The following PREX2 variants were observed in gnomAD, a reference collection of about 807,000 sequenced individuals.
The protein encoded by PREX2 is phosphatidylinositol 3,4,5-trisphosphate-dependent Rac exchanger 2 protein.
Under a neutral mutation model 203.2 loss-of-function variants are expected in PREX2, and 107 were observed. That is an observed-to-expected ratio of 0.53 (90% confidence interval 0.45 to 0.62). PREX2 has a LOEUF of 0.62. Among genes scored for constraint, PREX2 ranks in the 20% least tolerant of loss-of-function variants. The probability of loss-of-function intolerance (pLI) is 0.00; values close to 1 mark genes in which losing one functional copy is unlikely to be tolerated. For missense variants in PREX2, 1,777 were observed against 1,955.9 expected (o/e 0.91, Z 1.72); for synonymous variants, 672 against 663.6 (o/e 1.01, Z -0.19).
chr8:68,194,043 A>T (rs2129614718), intron 37 of PREX2, among the ~76,000 whole-genome samples: 1 of 152,366 alleles, frequency 6.6e-6, no homozygotes, highest in East Asian at 1.9e-4. Flanking sequence ...TAAAAGCTTA[A>T]TTGAAAATAT....
chr8:67,990,724 G>A (rs1247670560), intron 1 of PREX2, among the ~76,000 whole-genome samples: 1 of 151,936 alleles, frequency 6.6e-6, no homozygotes, highest in African/African-American at 2.4e-5. Context: ...AATTAGCCAG[G>A]CTGGTCTCAA....
chr8:68,202,170 G>C (rs759341040), intron 37 of PREX2, among the ~76,000 whole-genome samples: 58 of 152,114 alleles, frequency 3.8e-4, no homozygotes, highest in Non-Finnish European at 7.6e-4. Flanking sequence ...AAAGTGCTGG[G>C]ATTACAGGGG....
At chr8:68,054,823 C>T (rs1297172254) in intron 9 of PREX2, among the ~76,000 whole-genome samples, 5 of 152,216 alleles carry the variant, frequency 3.3e-5, no homozygotes, top group Non-Finnish European at 4.4e-5. Flanking sequence ...TTGGTGCCCA[C>T]CGGACTCCTG....
intron 7 of PREX2, among the ~76,000 whole-genome samples, chr8:68,038,681 G>A (rs1377846866): frequency 6.6e-6 from 1 of 152,042 alleles, no homozygotes; most frequent in Non-Finnish European, 1.5e-5. Context: ...TGAAGTTCAT[G>A]CCATGAGTCT....
At chr8:67,977,412 CAT>C (rs1423906823) in intron 1 of PREX2, among the ~76,000 whole-genome samples, 81 of 152,308 alleles carry the variant, frequency 5.3e-4, no homozygotes, top group Non-Finnish European at 7.4e-5. Flanking sequence ...CATACAGGAA[CAT>C]GTGTAAATTA....
intron 8 of PREX2, among the ~76,000 whole-genome samples, chr8:68,047,472 TATA>T: frequency 1.4e-3 from 2 of 1,478 alleles, no homozygotes; most frequent in South Asian, 0.022. Context: ...GATGAATTTA[TATA>T]TATATATATA....
intron 9 of PREX2, among the ~76,000 whole-genome samples, chr8:68,055,237 G>A (rs1808639901): frequency 6.6e-6 from 1 of 152,152 alleles, no homozygotes; most frequent in African/African-American, 2.4e-5. Flanking sequence ...TGAAACTGCA[G>A]GTTGAGCAAG....
At chr8:68,126,220 G>C (rs1335401402) in intron 30 of PREX2, among the ~76,000 whole-genome samples, 1 of 152,028 alleles carries the variant, frequency 6.6e-6, no homozygotes, top group Non-Finnish European at 1.5e-5. Flanking sequence ...AAAGTTTTAT[G>C]AAATATTTTC....
chr8:68,044,415 TA>T, intron 7 of PREX2, 71 bp from the exon 8 acceptor site: 1 of 1,108,458 alleles, frequency 9.0e-7, no homozygotes, highest in Non-Finnish European at 1.4e-6. Flanking sequence ...AAGAATTGCC[TA>T]AAATATATTG....
At chr8:68,111,006 T>A (rs1810522924) in intron 25 of PREX2, 2 of 399,644 alleles carry the variant, frequency 5.0e-6, no homozygotes, top group East Asian at 7.8e-5. Context: ...ATCTTTGAAT[T>A]GTGTTGGAAT....
intron 23 of PREX2, chr8:68,102,821 C>A (rs1402620687): frequency 1.9e-6 from 1 of 518,480 alleles, no homozygotes; most frequent in Admixed American, 1.9e-5. Flanking sequence ...GTTGTACAGG[C>A]CACAGATGTT....
chr8:68,189,553 C>T (rs1211529984), intron 35 of PREX2, among the ~76,000 whole-genome samples: 3 of 152,200 alleles, frequency 2.0e-5, no homozygotes, highest in Non-Finnish European at 4.4e-5. Flanking sequence ...TGATTTTCAT[C>T]ATGGAAATAA....
intron 37 of PREX2, among the ~76,000 whole-genome samples, chr8:68,212,208 C>G (rs947255298): frequency 1.3e-5 from 2 of 152,300 alleles, no homozygotes; most frequent in Middle Eastern, 3.4e-3. Flanking sequence ...ACTTAACTCT[C>G]CTTGAAATGG....
intron 37 of PREX2, among the ~76,000 whole-genome samples, chr8:68,201,081 G>A (rs1812491885): frequency 6.6e-6 from 1 of 151,994 alleles, no homozygotes; most frequent in Non-Finnish European, 1.5e-5. Flanking sequence ...ATAAACTGAA[G>A]TTATTGTCTT....
intron 1 of PREX2, among the ~76,000 whole-genome samples, chr8:67,986,646 AGG>A (rs1806435941): frequency 6.6e-6 from 1 of 152,170 alleles, no homozygotes; most frequent in South Asian, 2.1e-4. Flanking sequence ...TTCTAATGGC[AGG>A]GGCTTGATTA....
rs145007184 is a variant in PREX2 at position 67,973,202 on chromosome 8, G to A, written c.141+20667G>A. Among the ~76,000 whole-genome samples, 1,501 of 152,184 alleles carry A rather than the reference G, an allele frequency of 9.9e-3. 20 individuals are homozygous for A. The highest frequency in any genetic ancestry group is 0.028 in the African/African-American group (1,153 of 41,528). ...TAAAAGTATGGGCAGACTGATATCCGTCCAACAAACATTCTCAGATTAATC... is the reference window on the plus strand; with the variant it reads ...TAAAAGTATGGGCAGACTGATATCCATCCAACAAACATTCTCAGATTAATC... On this transcript the variant is annotated intron_variant, in intron 1 of 39. Coordinates refer to ENST00000288368, the MANE Select transcript of PREX2 (RefSeq NM_024870.4).
Position 68,093,588 on chromosome 8 carries a change from TC to T in PREX2, c.2251-11del, listed in dbSNP as rs1346457872. The T allele has an allele frequency of 9.1e-6, 12 of 1,313,428 alleles. No individual in the cohort carries two copies. The highest frequency in any genetic ancestry group is 1.8e-5 in the Admixed American group (1 of 55,882). 81.4% of individuals were successfully genotyped at this position (1,313,428 alleles called of 1,614,324 possible). On this transcript the variant is annotated splice_polypyrimidine_tract_variant and intron_variant, in intron 20 of 39. Transcript: ENST00000288368. ...AGCACTAATACCTCTGAGGTTTCTT[TC>T]CCCCCTCATTTCCAGCAAGATTCCA... is the stretch of plus-strand genomic sequence containing the variant.
intron 32 of PREX2, among the ~76,000 whole-genome samples, chr8:68,136,156 T>C (rs1397046743): frequency 5.3e-5 from 8 of 152,128 alleles, no homozygotes; most frequent in Admixed American, 2.0e-4. Context: ...AGTTAGACAA[T>C]GGTGCTAGCT....
intron 34 of PREX2, among the ~76,000 whole-genome samples, chr8:68,153,106 C>T (rs1244931551): frequency 6.6e-6 from 1 of 152,196 alleles, no homozygotes; most frequent in Non-Finnish European, 1.5e-5. Flanking sequence ...TCTCACATGT[C>T]ATAATGGGAT....
Sources: allele counts gnomAD v4.1 joint callset (sites outside exome capture counted in the v4.1 genomes callset), GRCh38; gene constraint gnomAD v4.1.1; transcripts MANE v1.5; gene names NCBI Gene and HGNC (gene_info 2026-07-23, HGNC 2026-07-21).